SLC39A9: variants seen among roughly 807,000 people sequenced by gnomAD.
SLC39A9 encodes the protein zinc transporter ZIP9.
SLC39A9 carries 14 observed loss-of-function variants against 28.4 expected under a neutral mutation model. The ratio of observed to expected loss-of-function variants is 0.49; its 90% CI spans 0.33 to 0.77. The LOEUF is 0.77. SLC39A9 is among the 30% of genes least tolerant of loss of function. The probability of loss-of-function intolerance (pLI) is 0.02; values close to 1 mark genes in which losing one functional copy is unlikely to be tolerated. For synonymous variants in SLC39A9, 119 were observed against 149.6 expected (o/e 0.80, Z 1.49); for missense variants, 283 against 381.1 (o/e 0.74, Z 2.14).
chr14:69,401,036 C>A (rs78317172), intron 1 of SLC39A9, among the ~76,000 whole-genome samples: 6,004 of 151,064 alleles, frequency 0.04, 248 homozygotes, highest in African/African-American at 0.11. Flanking sequence ...GAAACGGAGA[C>A]TGGATAGGTT....
intron 2 of SLC39A9, chr14:69,429,474 G>A (rs904361261): frequency 6.6e-6 from 1 of 152,060 alleles, no homozygotes; most frequent in Non-Finnish European, 1.5e-5. Flanking sequence ...CACTATTAAT[G>A]TACTGGTTGT....
intron 1 of SLC39A9, among the ~76,000 whole-genome samples, chr14:69,402,741 A>T (rs573876194): frequency 1.3e-5 from 2 of 152,318 alleles, no homozygotes; most frequent in East Asian, 1.9e-4. Flanking sequence ...GATAATCAGG[A>T]TGTAAATTTT....
intron 2 of SLC39A9, among the ~76,000 whole-genome samples, chr14:69,427,083 C>T (rs1231205364): frequency 6.6e-6 from 1 of 151,086 alleles, no homozygotes; most frequent in African/African-American, 2.4e-5. Context: ...ATCACTGCAG[C>T]CTTGACTTCC....
At chr14:69,415,164 A>G (rs1280800000) in intron 1 of SLC39A9, among the ~76,000 whole-genome samples, 1 of 152,180 alleles carries the variant, frequency 6.6e-6, no homozygotes, top group African/African-American at 2.4e-5. Context: ...TTTTGGGGAA[A>G]TGAAAAAGGG....
intron 2 of SLC39A9, among the ~76,000 whole-genome samples, chr14:69,430,999 T>C (rs544849856): frequency 2.2e-4 from 34 of 152,318 alleles, no homozygotes; most frequent in Admixed American, 1.8e-3. Context: ...AAAATCAGCT[T>C]GTCAAATATC....
intron 1 of SLC39A9, among the ~76,000 whole-genome samples, chr14:69,415,903 T>A (rs571743238): frequency 6.6e-6 from 1 of 152,300 alleles, no homozygotes; most frequent in South Asian, 2.1e-4. Context: ...GCTACTGTTT[T>A]TGCTAACTAA....
chr14:69,423,899 A>G (rs997041912), intron 1 of SLC39A9, among the ~76,000 whole-genome samples, 195 bp from the exon 2 acceptor site: 3 of 147,754 alleles, frequency 2.0e-5, no homozygotes, highest in African/African-American at 5.0e-5. Context: ...TCTGTCTCAA[A>G]AAAAAAAAAA....
chr14:69,461,510 C>A lies in SLC39A9; in HGVS notation c.*2917C>A. ...TGTGTTTTCTCTTTCTCCCCGCTTTCACCTCTTTCTTTCCCAATTCAAAAC... is the reference window on the plus strand; with the variant it reads ...TGTGTTTTCTCTTTCTCCCCGCTTTAACCTCTTTCTTTCCCAATTCAAAAC... On this transcript the variant is annotated 3_prime_UTR_variant, in exon 7 of 7. Coordinates refer to ENST00000336643, the MANE Select transcript of SLC39A9 (RefSeq NM_018375.5). 1.4e-6 allele frequency: 2 copies of A among 1,436,508 alleles called. No homozygotes were observed. The highest frequency in any genetic ancestry group is 1.8e-6 in the Non-Finnish European group (2 of 1,099,180). The allele number at this position is 1,436,508 out of a possible 1,614,324, so 89.0% of individuals were successfully genotyped here.
intron 1 of SLC39A9, among the ~76,000 whole-genome samples, chr14:69,405,150 C>T (rs558202237): frequency 6.6e-5 from 10 of 152,148 alleles, no homozygotes; most frequent in African/African-American, 1.2e-4. Context: ...CCAGGTCCCT[C>T]GCATGGGAAC....
chr14:69,419,952 A>G (rs186555517), intron 1 of SLC39A9, among the ~76,000 whole-genome samples: 94 of 152,118 alleles, frequency 6.2e-4, no homozygotes, highest in African/African-American at 1.2e-3. Flanking sequence ...TCTTTATTCA[A>G]TTTGCCAGTC....
intron 1 of SLC39A9, among the ~76,000 whole-genome samples, chr14:69,420,988 A>C (rs1454493512): frequency 6.6e-6 from 1 of 152,198 alleles, no homozygotes; most frequent in African/African-American, 2.4e-5. Context: ...TCTGAAGCCT[A>C]CTTCTGTCAA....
chr14:69,425,588 C>T (rs1422654485), intron 2 of SLC39A9, among the ~76,000 whole-genome samples: 1 of 151,776 alleles, frequency 6.6e-6, no homozygotes, highest in South Asian at 2.1e-4. Context: ...AGTATAGTTT[C>T]TTTGTGTTAT....
intron 2 of SLC39A9, among the ~76,000 whole-genome samples, chr14:69,427,223 C>T (rs957555662): frequency 1.3e-5 from 2 of 151,820 alleles, no homozygotes; most frequent in African/African-American, 2.4e-5. Flanking sequence ...AGGCTGGTCT[C>T]GAACTCCTGG....
intron 3 of SLC39A9, among the ~76,000 whole-genome samples, chr14:69,451,266 T>C (rs1885597574): frequency 6.6e-6 from 1 of 152,242 alleles, no homozygotes; most frequent in African/African-American, 2.4e-5. Context: ...TTGTATACTT[T>C]TTCCATTGTA....
intron 1 of SLC39A9, among the ~76,000 whole-genome samples, chr14:69,422,452 G>A (rs890429032): frequency 4.6e-5 from 7 of 152,120 alleles, no homozygotes; most frequent in Non-Finnish European, 8.8e-5. Context: ...CCAGGTGGGA[G>A]TGCAGTGATT....
At chr14:69,416,804 C>T (rs1204803669) in intron 1 of SLC39A9, among the ~76,000 whole-genome samples, 1 of 152,176 alleles carries the variant, frequency 6.6e-6, no homozygotes, top group Non-Finnish European at 1.5e-5. Context: ...CCTTTGCCCA[C>T]TTTTTGATGG....
intron 2 of SLC39A9, among the ~76,000 whole-genome samples, chr14:69,440,398 A>C (rs572273790): frequency 2.6e-5 from 4 of 152,284 alleles, no homozygotes; most frequent in African/African-American, 9.6e-5. Flanking sequence ...AGCCTGGGCA[A>C]CATGGCAAAA....
rs556350550 is a variant in SLC39A9, at chr14:69,460,829, G to C, written c.*2236G>C. 1 of 985,422 alleles carries C rather than the reference G, an allele frequency of 1.0e-6. No individual in the cohort carries two copies. Among genetic ancestry groups the C allele is most frequent in the African/African-American group, 1.7e-5 (1 of 57,338 alleles). The allele number at this position is 985,422 out of a possible 1,614,324, so 61.0% of individuals were successfully genotyped here. On this transcript the variant is annotated 3_prime_UTR_variant, in exon 7 of 7. Coordinates refer to ENST00000336643, the MANE Select transcript of SLC39A9 (RefSeq NM_018375.5). ...GGCTTTCCCAGATTTTAAAGCTGCT[G>C]CCTCGAGAACTACTCATTTCTCTCC...
chr14:69,406,299 A>G (rs1423325130), intron 1 of SLC39A9, among the ~76,000 whole-genome samples: 1 of 152,232 alleles, frequency 6.6e-6, no homozygotes, highest in Non-Finnish European at 1.5e-5. Context: ...GCCAATTTGG[A>G]ATCTGAAGTA....
Sources: gnomAD v4.1 joint callset for allele counts (sites outside exome capture counted in the v4.1 genomes callset) on GRCh38, gnomAD v4.1.1 for gene constraint, MANE v1.5 for transcripts, NCBI Gene and HGNC (gene_info 2026-07-23, HGNC 2026-07-21) for gene names.